Variants in RANBP17 observed in about 807,000 individuals in gnomAD.
RANBP17 encodes the protein RAN binding protein 17.
RANBP17 carries 158 observed loss-of-function variants against 141.2 expected under a neutral mutation model. That is an observed-to-expected ratio of 1.12 (90% CI 0.98 to 1.28). RANBP17 has a LOEUF of 1.28. Among genes scored for constraint, RANBP17 ranks in the 50% most tolerant of loss-of-function variants. The pLI is 0.00. For synonymous variants in RANBP17, 430 were observed against 450.0 expected (o/e 0.96, Z 0.56); for missense variants, 1,438 against 1,290.7 (o/e 1.11, Z -1.75).
At chr5:170,934,906 A>G (rs997359434) in intron 12 of RANBP17, among the ~76,000 whole-genome samples, 1 of 152,174 alleles carries the variant, frequency 6.6e-6, no homozygotes, top group Non-Finnish European at 1.5e-5. Context: ...GTGGTTTCCA[A>G]CTTGGTTCCA....
intron 14 of RANBP17, among the ~76,000 whole-genome samples, chr5:171,074,585 C>G (rs1361042026): frequency 6.6e-6 from 1 of 152,198 alleles, no homozygotes; most frequent in Non-Finnish European, 1.5e-5. Flanking sequence ...TCTCTGTACT[C>G]TCTTTGCAAC....
chr5:171,265,291 T>G lies in RANBP17; in HGVS notation c.2777-390T>G, dbSNP rs138964234. On this transcript the variant is annotated intron_variant, in intron 24 of 27. Coordinates refer to ENST00000523189, the MANE Select transcript of RANBP17 (RefSeq NM_022897.5). ...GGCTCATGCCTATAATCCCAGCACC[T>G]TGGGAGGCCAAGGCGGGTGAATCAC... Among the ~76,000 whole-genome samples, 925 of 152,290 alleles carry G rather than the reference T, an allele frequency of 6.1e-3. 12 individuals carry two copies. The highest frequency in any genetic ancestry group is 0.017 in the African/African-American group (717 of 41,552).
At chr5:171,171,111 G>T in intron 15 of RANBP17, 95 bp from the exon 16 acceptor site, 1 of 647,456 alleles carries the variant, frequency 1.5e-6, no homozygotes, top group Non-Finnish European at 2.7e-6. Flanking sequence ...TTGTGATTTA[G>T]GTCATCAAAC....
intron 25 of RANBP17, among the ~76,000 whole-genome samples, chr5:171,290,252 C>T (rs1392986069): frequency 6.6e-6 from 1 of 151,926 alleles, no homozygotes; most frequent in Non-Finnish European, 1.5e-5. Flanking sequence ...GCCTGTAATC[C>T]CAGCTACTCA....
At chr5:171,266,958 C>T (rs1766735149) in intron 25 of RANBP17, among the ~76,000 whole-genome samples, 1 of 150,922 alleles carries the variant, frequency 6.6e-6, no homozygotes, top group East Asian at 1.9e-4. Flanking sequence ...AAAAAACATA[C>T]ATGCCAAAAA....
In RANBP17 at chr5:171,055,880, C is replaced by CAAAAA. The variant is rs72488636; in HGVS notation, c.1710+87515_1710+87519dup. ...AGTTTCTCCAGTTGTGTCCTGTTGC[C>CAAAAA]AAAAAAAAAAAAAAAACAAAAAAAA... is the stretch of plus-strand genomic sequence containing the variant. On this transcript the variant is annotated intron_variant, in intron 14 of 27. Transcript: ENST00000523189. Among the ~76,000 whole-genome samples the CAAAAA allele has an allele frequency of 5.9e-3, 148 of 25,064 alleles. 21 individuals carry two copies. Among genetic ancestry groups the CAAAAA allele is most frequent in the African/African-American group, 0.015 (142 of 9,532 alleles). 16.4% of individuals were successfully genotyped at this position (25,064 alleles called of 152,430 possible).
At chr5:170,951,967 TTGA>T (rs967868217) in intron 12 of RANBP17, among the ~76,000 whole-genome samples, 4 of 151,966 alleles carry the variant, frequency 2.6e-5, no homozygotes, top group African/African-American at 9.7e-5. Flanking sequence ...GTTAGTGTTG[TTGA>T]TGATGTAAGA....
intron 14 of RANBP17, among the ~76,000 whole-genome samples, chr5:170,977,496 T>C (rs1777468081): frequency 6.6e-6 from 1 of 152,080 alleles, no homozygotes; most frequent in Admixed American, 6.5e-5. Flanking sequence ...CTCTTATGTA[T>C]ATATCCAAGA....
intron 20 of RANBP17, among the ~76,000 whole-genome samples, chr5:171,210,962 G>A (rs897664780): frequency 1.4e-5 from 2 of 138,966 alleles, no homozygotes; most frequent in East Asian, 2.1e-4. Context: ...CCAAGATTGC[G>A]CCACTGCACC....
At chr5:170,889,884 T>C (rs1489097859) in intron 3 of RANBP17, among the ~76,000 whole-genome samples, 1 of 152,226 alleles carries the variant, frequency 6.6e-6, no homozygotes, top group Non-Finnish European at 1.5e-5. Flanking sequence ...TTGTAATTAT[T>C]GGTGCTTACT....
intron 14 of RANBP17, among the ~76,000 whole-genome samples, chr5:171,023,829 T>C (rs557733853): frequency 2.2e-4 from 33 of 152,316 alleles, no homozygotes; most frequent in Admixed American, 1.2e-3. Flanking sequence ...TGCCTTTTTC[T>C]CTGTAGTTTG....
chr5:170,971,299 T>C (rs1224343008), intron 14 of RANBP17, among the ~76,000 whole-genome samples: 1 of 152,242 alleles, frequency 6.6e-6, no homozygotes, highest in Non-Finnish European at 1.5e-5. Flanking sequence ...AGGCATTTAT[T>C]GAGCAACAAG....
At chr5:171,296,480 ATGTCCCC>A (rs1294058238) in intron 27 of RANBP17, among the ~76,000 whole-genome samples, 2 of 152,230 alleles carry the variant, frequency 1.3e-5, no homozygotes, top group Admixed American at 6.5e-5. Context: ...AGGATTTGAA[ATGTCCCC>A]AGCATATAGA....
rs112601918 is a variant in RANBP17 at position 170,962,065 on chromosome 5, G to C, written c.1575-6177G>C. Among the ~76,000 whole-genome samples the C allele has an allele frequency of 4.7e-3, 723 of 152,310 alleles. 6 individuals carry two copies. The highest frequency in any genetic ancestry group is 0.017 in the African/African-American group (695 of 41,564). On this transcript the variant is annotated intron_variant, in intron 13 of 27. Transcript: ENST00000523189. ...CTCAGACCACAGAGTGCTTGTGGAG[G>C]CAAGTGTAACAACAAGATGGAAGGA...
chr5:170,942,751 A>G (rs1386300342), intron 12 of RANBP17, among the ~76,000 whole-genome samples: 1 of 152,214 alleles, frequency 6.6e-6, no homozygotes, highest in East Asian at 1.9e-4. Context: ...TATGCGTTAC[A>G]TATATGTTTT....
At chr5:171,056,879 A>G (rs569793860) in intron 14 of RANBP17, among the ~76,000 whole-genome samples, 13 of 152,232 alleles carry the variant, frequency 8.5e-5, no homozygotes, top group African/African-American at 2.4e-4. Flanking sequence ...TTTCCAACCA[A>G]TCGGTCTCTT....
chr5:170,999,824 C>G (rs964044114), intron 14 of RANBP17, among the ~76,000 whole-genome samples: 1 of 152,096 alleles, frequency 6.6e-6, no homozygotes, highest in African/African-American at 2.4e-5. Flanking sequence ...TATTGTTGTG[C>G]AACCATCACC....
chr5:171,063,692 G>A (rs572717063), intron 14 of RANBP17, among the ~76,000 whole-genome samples: 2 of 152,324 alleles, frequency 1.3e-5, no homozygotes, highest in South Asian at 4.1e-4. Flanking sequence ...TCTCTTCAAA[G>A]CTCTCAGACA....
intron 14 of RANBP17, among the ~76,000 whole-genome samples, chr5:171,007,082 C>A (rs751950097): frequency 2.6e-5 from 4 of 152,116 alleles, no homozygotes; most frequent in Admixed American, 1.3e-4. Flanking sequence ...AGAAAAAAGT[C>A]TTTCCCGTTC....
Sources: gnomAD v4.1 joint callset for allele counts (sites outside exome capture counted in the v4.1 genomes callset) on GRCh38, gnomAD v4.1.1 for gene constraint, MANE v1.5 for transcripts, NCBI Gene and HGNC (gene_info 2026-07-23, HGNC 2026-07-21) for gene names.